Variants in ALOX12 observed in about 807,000 individuals in gnomAD.
The protein encoded by ALOX12 is polyunsaturated fatty acid lipoxygenase ALOX12.
A neutral mutation model predicts 85.5 loss-of-function variants in ALOX12; 62 were observed. The ratio of observed to expected loss-of-function variants is 0.73; its 90% CI spans 0.59 to 0.90. The LOEUF (loss-of-function observed/expected upper bound fraction) is 0.90, where lower values mean the gene tolerates loss of function less well. ALOX12 is among the 40% of genes least tolerant of loss of function. The pLI, the probability that ALOX12 is intolerant of heterozygous loss-of-function variation, is 0.00. For missense variants in ALOX12, 751 were observed against 856.5 expected, an observed-to-expected ratio of 0.88 and a Z score of 1.54; for synonymous variants, 299 against 332.7, an observed-to-expected ratio of 0.90 and a Z score of 1.10.
chr17:7,003,582 A>G (rs1908818489), intron 8 of ALOX12, among the ~76,000 whole-genome samples: 1 of 152,108 alleles, frequency 6.6e-6, no homozygotes, highest in African/African-American at 2.4e-5. Flanking sequence ...GTGCACCACC[A>G]TGCCTGGCTA....
chr17:6,997,226 CT>C, intron 2 of ALOX12, 199 bp downstream of exon 2: 1 of 840,968 alleles, frequency 1.2e-6, no homozygotes, highest in South Asian at 5.4e-5. Flanking sequence ...CTAAGAGAGG[CT>C]GCGTGTGAGG....
intron 9 of ALOX12, 79 bp from the exon 10 acceptor site, chr17:7,005,779 C>T: frequency 6.7e-7 from 1 of 1,500,968 alleles, no homozygotes; most frequent in South Asian, 1.2e-5. Flanking sequence ...GAAAATCCCA[C>T]ATTTGCCCCA....
At chr17:7,001,126 T>A (rs1317372193) in intron 7 of ALOX12, 1 of 162,624 alleles carries the variant, frequency 6.1e-6, no homozygotes, top group Non-Finnish European at 1.3e-5. Flanking sequence ...AATTTTTGTA[T>A]TTTTTGTAGA....
intron 8 of ALOX12, chr17:7,002,628 A>AAAAG (rs1156827284): frequency 2.5e-6 from 1 of 394,654 alleles, no homozygotes; most frequent in South Asian, 1.8e-5. Flanking sequence ...TCTCTAAATA[A>AAAAG]AAAGAAAGAA....
chr17:6,999,214 G>A, intron 5 of ALOX12, 92 bp from the exon 6 acceptor site: 1 of 1,556,894 alleles, frequency 6.4e-7, no homozygotes, highest in South Asian at 1.2e-5. Flanking sequence ...CTGGGTTCAG[G>A]GAGGGTTATA....
Position 7,006,039 on chromosome 17 carries a change from G to A in ALOX12, c.1418+12G>A, listed in dbSNP as rs1424430629. On this transcript the variant is annotated intron_variant, in intron 10 of 13. Coordinates refer to ENST00000251535, the MANE Select transcript of ALOX12 (RefSeq NM_000697.3). ...GAGATCATTGCCAGGTGAGTAAGGA[G>A]GAGCTGAGAAATGGTGGGGCCGGGG... 5.9e-6 allele frequency: 7 copies of A among 1,182,914 alleles called. No homozygotes were observed. The highest frequency in any genetic ancestry group is 8.0e-6 in the Non-Finnish European group (7 of 878,814). 73.3% of individuals were successfully genotyped at this position (1,182,914 alleles called of 1,614,324 possible).
chr17:7,000,382 C>T lies in ALOX12; in HGVS notation c.854C>T (p.Pro285Leu). The change falls in exon 7 of 14, where the codon CCA becomes CTA. Residue 285 changes from proline to leucine, a missense_variant. Physicochemically the swap from Pro to Leu is moderately conservative, Grantham distance 98. Coordinates refer to ENST00000251535, the MANE Select transcript of ALOX12 (RefSeq NM_000697.3). The surrounding 1 kb of genome is among the most constrained non-coding windows in gnomAD (Gnocchi z 4.6). ...EADFILLDGI[P>L]ANVIRGEKQY... is the part of the protein sequence containing the mutation. Reference sequence around the variant, plus strand: ...GACTTCATCCTTCTGGATGGAATTCCAGCCAACGTGATCCGAGGAGAGAAG... The same window carrying T: ...GACTTCATCCTTCTGGATGGAATTCTAGCCAACGTGATCCGAGGAGAGAAG... The T allele has an allele frequency of 1.2e-6, 2 of 1,614,188 alleles. No homozygotes were observed. Among genetic ancestry groups the T allele is most frequent in the East Asian group, 2.2e-5 (1 of 44,882 alleles).
chr17:7,004,274 TTTAA>T (rs1170454032), intron 8 of ALOX12, among the ~76,000 whole-genome samples: 49 of 141,130 alleles, frequency 3.5e-4, no homozygotes, highest in African/African-American at 1.2e-3. Context: ...TTTAACTTAA[TTTAA>T]TTAATTTAAT....
intron 1 of ALOX12, among the ~76,000 whole-genome samples, chr17:6,996,567 G>C (rs947224151): frequency 2.0e-5 from 3 of 151,568 alleles, no homozygotes; most frequent in Non-Finnish European, 2.9e-5. Context: ...TCCAAGAACC[G>C]GCGCGGGGAG....
chr17:6,996,838 G>C lies in ALOX12; in HGVS notation c.148G>C (p.Asp50His). 1.2e-6 allele frequency: 2 copies of C among 1,613,250 alleles called. No homozygotes were observed. The highest frequency in any genetic ancestry group is 8.5e-7 in the Non-Finnish European group (1 of 1,179,328). Residue 50 changes from aspartate to histidine, a missense_variant, in exon 2 of 14, where the codon GAT becomes CAT. Asp to His is a moderately conservative substitution (Grantham distance 81). Transcript: ENST00000251535. ...CCGGCCTGCACAGGAGGAGGAGTTT[G>C]ATCATGACGTTGCAGAGGACTTGGG... is the stretch of plus-strand genomic sequence containing the variant. ...RPARGEEEEFDHDVAEDLGLL... is the reference protein window; with the variant it reads ...RPARGEEEEFHHDVAEDLGLL...
At chr17:6,998,028 G>C (rs1394999598) in intron 2 of ALOX12, among the ~76,000 whole-genome samples, 1 of 151,454 alleles carries the variant, frequency 6.6e-6, no homozygotes, top group Non-Finnish European at 1.5e-5. Context: ...AGTAAATCCA[G>C]AAAGATGAGG....
intron 11 of ALOX12, among the ~76,000 whole-genome samples, chr17:7,008,020 A>G (rs1909176390): frequency 6.6e-6 from 1 of 152,120 alleles, no homozygotes; most frequent in Non-Finnish European, 1.5e-5. Context: ...CCCACAGCCG[A>G]TTTCTCCCTG....
At position 6,996,831 on chromosome 17, in the gene ALOX12, G is replaced by C; in HGVS notation, c.141G>C (p.Glu47Asp). The C allele has an allele frequency of 6.2e-7, 1 of 1,612,442 alleles. No homozygotes were observed. Among genetic ancestry groups the C allele is most frequent in the South Asian group, 1.1e-5 (1 of 90,956 alleles). Residue 47 changes from glutamate (E) to aspartate (D), a missense_variant, in exon 2 of 14, where the codon GAG (glutamate) becomes GAC (aspartate). Coordinates refer to ENST00000251535, the MANE Select transcript of ALOX12 (RefSeq NM_000697.3). ...CCTGGGTCCGGCCTGCACAGGAGGA[G>C]GAGTTTGATCATGACGTTGCAGAGG... ...LQLRPARGEE[E>D]EFDHDVAEDL...
intron 8 of ALOX12, among the ~76,000 whole-genome samples, chr17:7,004,152 A>T (rs1053445788): frequency 6.9e-5 from 8 of 115,762 alleles, no homozygotes; most frequent in Admixed American, 2.4e-4. Context: ...AAATTTAAAT[A>T]AATTTAAATT....
chr17:7,010,705 A>T lies in ALOX12; in HGVS notation c.*282A>T, dbSNP rs961384797. 3.1e-6 allele frequency: 1 copy of T among 327,022 alleles called. No individual in the cohort carries two copies. Among genetic ancestry groups the T allele is most frequent in the Non-Finnish European group, 5.6e-6 (1 of 179,564 alleles). The allele number at this position is 327,022 out of a possible 1,614,324, so 20.3% of individuals were successfully genotyped here. On this transcript the variant is annotated 3_prime_UTR_variant, in exon 14 of 14. Transcript: ENST00000251535. ...CACAGACAACATGGAAATGAGTGTGACTATGTTCCAATAAAACTTTATGGA... is the reference window on the plus strand; with the variant it reads ...CACAGACAACATGGAAATGAGTGTGTCTATGTTCCAATAAAACTTTATGGA...
intron 1 of ALOX12, 74 bp from the exon 2 acceptor site, chr17:6,996,752 A>G (rs2151637934): frequency 6.7e-7 from 1 of 1,494,700 alleles, no homozygotes; most frequent in Non-Finnish European, 9.0e-7. Context: ...GTTGCACAGG[A>G]GCGCGGCTCT....
intron 2 of ALOX12, among the ~76,000 whole-genome samples, chr17:6,997,526 C>T (rs10852889): frequency 0.58 from 86,892 of 149,824 alleles, 25,329 homozygotes; most frequent in Admixed American, 0.65. Flanking sequence ...CCGCAGGAGA[C>T]GAGGAGGAAT....
At chr17:6,998,390 TA>T in intron 2 of ALOX12, 118 bp from the exon 3 acceptor site, 1 of 692,498 alleles carries the variant, frequency 1.4e-6, no homozygotes, top group Non-Finnish European at 2.5e-6. Context: ...AAGCCAGAGA[TA>T]AAAGCAACAG....
In ALOX12 at chr17:6,996,114, C is replaced by G. The variant is rs1597847784; in HGVS notation, c.-4C>G. ...TCCCCTCGCCTAAGCTGCTGGGGGG[C>G]GCCATGGGCCGCTACCGCATCCGCG... On this transcript the variant is annotated 5_prime_UTR_variant, in exon 1 of 14. Transcript: ENST00000251535. 2.4e-6 allele frequency: 3 copies of G among 1,248,246 alleles called. No homozygotes were observed. The highest frequency in any genetic ancestry group is 2.8e-4 in the Middle Eastern group (1 of 3,590). The allele number at this position is 1,248,246 out of a possible 1,614,324, so 77.3% of individuals were successfully genotyped here. A position where few individuals can be genotyped will look rare whatever the true frequency, so the allele number is the denominator to read the frequency against.
Sources: gnomAD v4.1 joint callset for allele counts (sites outside exome capture counted in the v4.1 genomes callset) on GRCh38, gnomAD v4.1.1 for gene constraint, Gnocchi (gnomAD v3.1) non-coding constraint, MANE v1.5 for transcripts, NCBI Gene and HGNC (gene_info 2026-07-23, HGNC 2026-07-21) for gene names.